Variants in CCDC6 observed in about 807,000 individuals in gnomAD.
CCDC6 encodes coiled-coil domain containing 6.
CCDC6 carries 20 observed loss-of-function variants against 56.6 expected under a neutral mutation model. The ratio of observed to expected loss-of-function variants is 0.35; its 90% CI spans 0.25 to 0.51. The LOEUF (loss-of-function observed/expected upper bound fraction) is 0.51, where lower values mean the gene tolerates loss of function less well. Among genes scored for constraint, CCDC6 ranks in the 20% least tolerant of loss-of-function variants. CCDC6 has a pLI of 0.95. For missense variants in CCDC6, 367 were observed against 601.1 expected (o/e 0.61, Z 4.07); for synonymous variants, 241 against 234.4 (o/e 1.03, Z -0.26).
intron 1 of CCDC6, among the ~76,000 whole-genome samples, chr10:59,854,566 T>TC (rs138962441): frequency 0.059 from 8,995 of 152,208 alleles, 359 homozygotes; most frequent in Non-Finnish European, 0.084. Context: ...GTCCATAGGT[T>TC]CCCCCAGTGG....
At chr10:59,814,629 C>A (rs748841459) in intron 4 of CCDC6, 23 bp downstream of exon 4, 3 of 1,472,112 alleles carry the variant, frequency 2.0e-6, no homozygotes, top group Non-Finnish European at 2.9e-6. Flanking sequence ...CACACCCATA[C>A]TGAACAGCAA....
rs558442786 is a variant in CCDC6 at position 59,888,129 on chromosome 10, C to T, written c.303+17993G>A. ...CTTGTTATTCTACCTGTCCAGAAAA[C>T]GTGTCTGCACATACTGCTCACAGCT... On this transcript the variant is annotated intron_variant, in intron 1 of 8. Transcript: ENST00000263102. 3.3e-5 allele frequency among the ~76,000 whole-genome samples: 5 copies of T among 152,340 alleles called. No homozygotes were observed. The South Asian group carries it at 8.3e-4, about 25-fold the overall frequency.
chr10:59,846,400 G>A (rs1297687707), intron 2 of CCDC6, among the ~76,000 whole-genome samples: 1 of 152,170 alleles, frequency 6.6e-6, no homozygotes, highest in Non-Finnish European at 1.5e-5. Context: ...ATTTGGCAGA[G>A]GTAGTTTCAG....
chr10:59,799,666 C>A (rs2070556215), intron 7 of CCDC6, among the ~76,000 whole-genome samples: 1 of 152,306 alleles, frequency 6.6e-6, no homozygotes, highest in East Asian at 1.9e-4. Flanking sequence ...TGTGCCCTAG[C>A]CTGAGAATGT....
chr10:59,793,940 C>T (rs1261536765), intron 8 of CCDC6, among the ~76,000 whole-genome samples: 2 of 152,120 alleles, frequency 1.3e-5, no homozygotes, highest in African/African-American at 2.4e-5. Context: ...CTTAATAATA[C>T]TCTCACTCTA....
Position 59,815,103 on chromosome 10 carries a change from TTA to T in CCDC6, c.583-350_583-349del, listed in dbSNP as rs200783769. 5.5e-3 allele frequency among the ~76,000 whole-genome samples: 833 copies of T among 152,238 alleles called. 7 individuals are homozygous for T. Among genetic ancestry groups the T allele is most frequent in the African/African-American group, 0.019 (785 of 41,552 alleles). On this transcript the variant is annotated intron_variant, in intron 3 of 8. Transcript: ENST00000263102. Reference sequence around the variant, plus strand: ...GGGCTTGTCCCTTACAGTTCTGGGCTTACAGTTATTCTTCCGGGCTTGTCCCT... The same window carrying T: ...GGGCTTGTCCCTTACAGTTCTGGGCTCAGTTATTCTTCCGGGCTTGTCCCT...
chr10:59,862,516 T>TACAC (rs60162547), intron 1 of CCDC6, among the ~76,000 whole-genome samples: 3,914 of 97,094 alleles, frequency 0.04, 230 homozygotes, highest in Middle Eastern at 0.061. Flanking sequence ...TATATATATA[T>TACAC]ACACACACAC....
intron 1 of CCDC6, among the ~76,000 whole-genome samples, chr10:59,853,450 C>T (rs1428922455): frequency 7.9e-5 from 12 of 152,048 alleles, no homozygotes; most frequent in Admixed American, 7.9e-4. Flanking sequence ...AAGAGGATCA[C>T]TTGAACCCGG....
At position 59,834,367 on chromosome 10, in the gene CCDC6, T is replaced by C. The variant is rs546470351; in HGVS notation, c.454-1714A>G. ...GACCAACATGGTGAAACCCTGTCTC[T>C]ACTAAAAATACAAACAAACAAACAA... On this transcript the variant is annotated intron_variant, in intron 2 of 8. Transcript: ENST00000263102. Among the ~76,000 whole-genome samples the C allele has an allele frequency of 3.1e-4, 44 of 143,942 alleles. 2 individuals are homozygous for C. In the East Asian group the frequency reaches 4.8e-3, roughly 16 times the overall value. 94.4% of individuals were successfully genotyped at this position (143,942 alleles called of 152,430 possible). A position where few individuals can be genotyped will look rare whatever the true frequency, so the allele number is the denominator to read the frequency against.
chr10:59,847,121 C>T (rs2070999165), intron 2 of CCDC6, among the ~76,000 whole-genome samples: 2 of 151,820 alleles, frequency 1.3e-5, no homozygotes, highest in Non-Finnish European at 2.9e-5. Context: ...GGCGCTATCT[C>T]GGCTCACCAC....
chr10:59,864,852 A>G (rs1028034836), intron 1 of CCDC6, among the ~76,000 whole-genome samples: 1 of 152,208 alleles, frequency 6.6e-6, no homozygotes, highest in African/African-American at 2.4e-5. Flanking sequence ...AAAAGAGATC[A>G]GACAAAAAAG....
intron 1 of CCDC6, among the ~76,000 whole-genome samples, chr10:59,877,329 A>G (rs2071292934): frequency 6.6e-6 from 1 of 152,206 alleles, no homozygotes; most frequent in South Asian, 2.1e-4. Context: ...GATCATCAAT[A>G]TGACTCAACG....
chr10:59,870,078 C>G (rs559130101), intron 1 of CCDC6, among the ~76,000 whole-genome samples: 1 of 152,314 alleles, frequency 6.6e-6, no homozygotes, highest in South Asian at 2.1e-4. Flanking sequence ...ATCTTGCCTA[C>G]TGCCACAGAG....
At chr10:59,812,290 A>G (rs1397025422) in intron 5 of CCDC6, among the ~76,000 whole-genome samples, 1 of 152,208 alleles carries the variant, frequency 6.6e-6, no homozygotes. Flanking sequence ...CTCTGCCTTA[A>G]TATTTTGAAA....
chr10:59,791,479 T>C lies in CCDC6; in HGVS notation c.*1438A>G. On this transcript the variant is annotated 3_prime_UTR_variant, in exon 9 of 9. Transcript: ENST00000263102. ...GGTTCCTTATTTTTAGGAGTGTGTTTAATAAAGAGTTGGCTATTAGAGATG... is the reference window on the plus strand; with the variant it reads ...GGTTCCTTATTTTTAGGAGTGTGTTCAATAAAGAGTTGGCTATTAGAGATG... The C allele has an allele frequency of 5.1e-6, 1 of 196,246 alleles. No individual in the cohort carries two copies. 12.2% of individuals were successfully genotyped at this position (196,246 alleles called of 1,614,324 possible).
chr10:59,866,936 T>C (rs1190383137), intron 1 of CCDC6, among the ~76,000 whole-genome samples: 1 of 152,204 alleles, frequency 6.6e-6, no homozygotes, highest in East Asian at 1.9e-4. Context: ...TGAGGGTAAC[T>C]AAATGTTGGG....
chr10:59,839,794 C>T (rs1286590127), intron 2 of CCDC6, among the ~76,000 whole-genome samples: 1 of 152,106 alleles, frequency 6.6e-6, no homozygotes, highest in Non-Finnish European at 1.5e-5. Context: ...ACAGTCTATC[C>T]TCTCGACGGA....
intron 6 of CCDC6, 76 bp downstream of exon 6, chr10:59,806,846 G>C (rs2070629300): frequency 7.0e-7 from 1 of 1,421,338 alleles, no homozygotes; most frequent in Middle Eastern, 1.8e-4. Context: ...CACCTAACAG[G>C]ATACCAAAGA....
chr10:59,890,380 C>G (rs1433622066), intron 1 of CCDC6, among the ~76,000 whole-genome samples: 4 of 152,116 alleles, frequency 2.6e-5, no homozygotes, highest in Admixed American at 2.0e-4. Flanking sequence ...CCAAAGAGCC[C>G]CGCAAAAGGA....
Sources: gnomAD v4.1 joint callset for allele counts (sites outside exome capture counted in the v4.1 genomes callset) on GRCh38, gnomAD v4.1.1 for gene constraint, MANE v1.5 for transcripts, NCBI Gene and HGNC (gene_info 2026-07-23, HGNC 2026-07-21) for gene names.